The following RBMS3 variants were observed in gnomAD, a reference collection of about 807,000 sequenced individuals.
RBMS3 encodes RNA binding motif single stranded interacting protein 3, also known as RNA-binding motif, single-stranded-interacting protein 3.
Under a neutral mutation model 66.8 loss-of-function variants are expected in RBMS3, and 27 were observed. The ratio of observed to expected loss-of-function variants is 0.40; its 90% CI spans 0.30 to 0.56. RBMS3 has a LOEUF of 0.56. Among genes scored for constraint, RBMS3 ranks in the 20% least tolerant of loss-of-function variants. RBMS3 has a pLI of 0.40. For synonymous variants in RBMS3, 188 were observed against 183.0 expected (o/e 1.03, Z -0.22); for missense variants, 513 against 549.5 (o/e 0.93, Z 0.66).
At chr3:29,439,380 C>A (rs1184625415) in intron 2 of RBMS3, among the ~76,000 whole-genome samples, 2 of 152,206 alleles carry the variant, frequency 1.3e-5, no homozygotes, top group East Asian at 3.9e-4. Context: ...AGTTGAAAAG[C>A]TGAAAGAAGA....
intron 12 of RBMS3, among the ~76,000 whole-genome samples, chr3:29,979,587 GCCC>G (rs1232172921): frequency 6.6e-6 from 1 of 151,932 alleles, no homozygotes; most frequent in East Asian, 1.9e-4. Context: ...CCCTTCCCTA[GCCC>G]CCCACCACCT....
intron 10 of RBMS3, 56 bp downstream of exon 10, chr3:29,899,811 T>A: frequency 6.5e-7 from 1 of 1,540,334 alleles, no homozygotes; most frequent in South Asian, 1.1e-5. Flanking sequence ...TACAAGCTTT[T>A]GGAATGCATA....
chr3:29,898,731 A>ATGTGTGTGTGTGTGTGTG lies in RBMS3; in HGVS notation c.889-970_889-969insTGTGTGTGTGTGTGTGTG, dbSNP rs1265286069. ...CTTCCTGCAGGCCTGCCTGGTTGTA[A>ATGTGTGTGTGTGTGTGTG]TGTGCGTGTGTGTGTGTGTGTGTGT... On this transcript the variant is annotated intron_variant, in intron 9 of 14. Transcript: ENST00000383767. Among the ~76,000 whole-genome samples the ATGTGTGTGTGTGTGTGTG allele has an allele frequency of 1.3e-3, 142 of 112,296 alleles. 1 individual carries two copies. Among genetic ancestry groups the ATGTGTGTGTGTGTGTGTG allele is most frequent in the African/African-American group, 5.8e-3 (138 of 23,958 alleles). The allele number at this position is 112,296 out of a possible 152,430, so 73.7% of individuals were successfully genotyped here.
chr3:29,581,686 G>A (rs1031539721), intron 3 of RBMS3, among the ~76,000 whole-genome samples: 5 of 152,192 alleles, frequency 3.3e-5, no homozygotes, highest in Non-Finnish European at 7.3e-5. Flanking sequence ...ATTGTCTTTG[G>A]AAGAATTTGG....
chr3:29,501,661 A>G (rs541794861), intron 3 of RBMS3, among the ~76,000 whole-genome samples: 4 of 152,276 alleles, frequency 2.6e-5, no homozygotes, highest in Admixed American at 6.5e-5. Context: ...TTACTTAAAT[A>G]TGGAAGGTAA....
At chr3:29,967,913 C>T (rs1328657300) in intron 12 of RBMS3, among the ~76,000 whole-genome samples, 4 of 152,066 alleles carry the variant, frequency 2.6e-5, no homozygotes, top group African/African-American at 9.7e-5. Context: ...TTCAAAGAAC[C>T]AGATTTTTGT....
intron 1 of RBMS3, among the ~76,000 whole-genome samples, chr3:29,340,389 T>A (rs72851255): frequency 0.12 from 19,014 of 152,142 alleles, 1,246 homozygotes; most frequent in East Asian, 0.22. Context: ...CATTGGGGTG[T>A]TATCTTATGA....
At chr3:29,481,130 C>A (rs1269689079) in intron 2 of RBMS3, among the ~76,000 whole-genome samples, 1 of 152,160 alleles carries the variant, frequency 6.6e-6, no homozygotes, top group South Asian at 2.1e-4. Flanking sequence ...GTGCCTCCCT[C>A]ATGGGTTTGT....
chr3:29,902,601 C>A (rs535370378), intron 10 of RBMS3, among the ~76,000 whole-genome samples: 1 of 151,848 alleles, frequency 6.6e-6, no homozygotes, highest in African/African-American at 2.4e-5. Context: ...CTGGAGACTA[C>A]CTTACAAATA....
chr3:29,522,967 G>A (rs1469891354), intron 3 of RBMS3, among the ~76,000 whole-genome samples: 6 of 152,144 alleles, frequency 3.9e-5, no homozygotes. Flanking sequence ...GTAGTGCTGA[G>A]CACACAGTCA....
At chr3:29,731,103 AAGCC>A (rs2054113068) in intron 4 of RBMS3, 2 of 830,012 alleles carry the variant, frequency 2.4e-6, no homozygotes, top group Non-Finnish European at 2.9e-6. Context: ...CTTGAAATAA[AAGCC>A]AGCCCAAGCC....
At chr3:29,968,805 A>G (rs1361654923) in intron 12 of RBMS3, among the ~76,000 whole-genome samples, 1 of 152,238 alleles carries the variant, frequency 6.6e-6, no homozygotes, top group East Asian at 1.9e-4. Flanking sequence ...TAAAATTCAC[A>G]GTGCAAGCCT....
In RBMS3 at chr3:30,008,368, G is replaced by T. The variant is rs570087693; in HGVS notation, c.*4506G>T. On this transcript the variant is annotated 3_prime_UTR_variant, in exon 15 of 15. Transcript: ENST00000383767. ...TCTCAAGTGGGTTTCACTAATAAATGTTTTTTTATATGATTTGAAATCAAG... is the reference window on the plus strand; with the variant it reads ...TCTCAAGTGGGTTTCACTAATAAATTTTTTTTTATATGATTTGAAATCAAG... 1.3e-5 allele frequency: 2 copies of T among 152,092 alleles called. No homozygotes were observed. Among genetic ancestry groups the T allele is most frequent in the East Asian group, 3.9e-4 (2 of 5,180 alleles). 9.4% of individuals were successfully genotyped at this position (152,092 alleles called of 1,614,324 possible). A position where few individuals can be genotyped will look rare whatever the true frequency, so the allele number is the denominator to read the frequency against.
At chr3:29,776,241 TG>T (rs1348561715) in intron 6 of RBMS3, among the ~76,000 whole-genome samples, 4 of 152,008 alleles carry the variant, frequency 2.6e-5, no homozygotes, top group African/African-American at 9.7e-5. Flanking sequence ...ATTTAATTTC[TG>T]GAAGAACATA....
chr3:29,417,911 C>G (rs9835133), intron 1 of RBMS3, among the ~76,000 whole-genome samples: 2 of 151,962 alleles, frequency 1.3e-5, no homozygotes, highest in South Asian at 4.1e-4. Context: ...CAAATGTAAA[C>G]ATTATTTTTA....
At chr3:29,473,183 T>A (rs185193918) in intron 2 of RBMS3, among the ~76,000 whole-genome samples, 2,724 of 151,652 alleles carry the variant, frequency 0.018, 29 homozygotes, top group Non-Finnish European at 0.023. Flanking sequence ...CCCACCAGAG[T>A]AGCTAGATAC....
intron 1 of RBMS3, among the ~76,000 whole-genome samples, chr3:29,394,291 A>G (rs1168513667): frequency 6.6e-6 from 1 of 152,180 alleles, no homozygotes; most frequent in African/African-American, 2.4e-5. Flanking sequence ...CCCACCCCGC[A>G]GGCAGTCAGA....
intron 1 of RBMS3, among the ~76,000 whole-genome samples, chr3:29,428,270 A>G (rs2041040090): frequency 6.6e-6 from 1 of 152,014 alleles, no homozygotes; most frequent in African/African-American, 2.4e-5. Flanking sequence ...TGGTTGTCAC[A>G]ACTTTGGGAG....
At chr3:29,593,488 C>T (rs533889159) in intron 4 of RBMS3, among the ~76,000 whole-genome samples, 34 of 151,906 alleles carry the variant, frequency 2.2e-4, no homozygotes, top group Non-Finnish European at 2.9e-4. Flanking sequence ...CTTGAGCAGG[C>T]GATTCGAGAG....
Sources: gnomAD v4.1 joint callset for allele counts (sites outside exome capture counted in the v4.1 genomes callset) on GRCh38, gnomAD v4.1.1 for gene constraint, MANE v1.5 for transcripts, NCBI Gene and HGNC (gene_info 2026-07-23, HGNC 2026-07-21) for gene names.